Variants in WDR59 observed in about 807,000 individuals in gnomAD.
WDR59 encodes the protein WD repeat domain 59.
In WDR59, 100 loss-of-function variants were observed where a neutral mutation model predicts 131.2. That is an observed-to-expected ratio of 0.76 (90% CI 0.65 to 0.90). The LOEUF (loss-of-function observed/expected upper bound fraction) is 0.90, where lower values mean the gene tolerates loss of function less well. Ranked by LOEUF, WDR59 falls within the 40% of genes least tolerant of loss-of-function variation. The pLI is 0.00. For synonymous variants in WDR59, 601 were observed against 466.2 expected (o/e 1.29, Z -3.72); for missense variants, 1,203 against 1,262.2 (o/e 0.95, Z 0.71).
At chr16:74,944,133 T>C (rs777291128) in intron 6 of WDR59, among the ~76,000 whole-genome samples, 5 of 152,232 alleles carry the variant, frequency 3.3e-5, no homozygotes, top group South Asian at 2.1e-4. Context: ...CCCAAGGGAC[T>C]CTGGGAAGCC....
At chr16:74,981,660 A>ATATATT (rs1567451007) in intron 1 of WDR59, among the ~76,000 whole-genome samples, 8 of 80,872 alleles carry the variant, frequency 9.9e-5, no homozygotes, top group African/African-American at 5.1e-4. Flanking sequence ...ATATATATAT[A>ATATATT]TTTTTTTTTT....
chr16:74,885,792 G>T lies in WDR59; in HGVS notation c.2550C>A (p.Leu850=), dbSNP rs763459577. The T allele has an allele frequency of 1.2e-6, 2 of 1,607,294 alleles. No homozygotes were observed. Among genetic ancestry groups the T allele is most frequent in the South Asian group, 1.1e-5 (1 of 89,666 alleles). The change falls in exon 25 of 26, where the codon CTC becomes CTA. Residue 850 remains leucine (L), a synonymous_variant. Coordinates refer to ENST00000262144, the MANE Select transcript of WDR59 (RefSeq NM_030581.4). ...ATTGCTGGGTATTGGCGGGGTCCAG[G>T]AGCCTGGATAAAGTTAAAAAGATTT... ...ERDQHDKNKR[L]LDPANTQQFD...
chr16:74,946,957 G>A (rs891684039), intron 6 of WDR59, among the ~76,000 whole-genome samples: 1 of 152,116 alleles, frequency 6.6e-6, no homozygotes, highest in African/African-American at 2.4e-5. Flanking sequence ...CTTTTATAAA[G>A]GATGTCAAAA....
At chr16:74,957,834 A>T (rs544720409) in intron 2 of WDR59, among the ~76,000 whole-genome samples, 1 of 152,330 alleles carries the variant, frequency 6.6e-6, no homozygotes, top group East Asian at 1.9e-4. Flanking sequence ...CAGAAGAGCC[A>T]GGAAATGGCA....
chr16:74,893,914 T>C, intron 18 of WDR59, 102 bp from the exon 19 acceptor site: 1 of 1,292,184 alleles, frequency 7.7e-7, no homozygotes, highest in Non-Finnish European at 1.1e-6. Context: ...TTGCACTTTT[T>C]AAAAATTACA....
rs760224631 is a variant in WDR59, at chr16:74,909,457, T to C, written c.1642+44A>G. ...ATACAGAATCTATGACATTCTTAGCTGCTCCCTCTCGAAATCTAGAATCAA... is the reference window on the plus strand; with the variant it reads ...ATACAGAATCTATGACATTCTTAGCCGCTCCCTCTCGAAATCTAGAATCAA... On this transcript the variant is annotated intron_variant, in intron 16 of 25. Coordinates refer to ENST00000262144, the MANE Select transcript of WDR59 (RefSeq NM_030581.4). 4 of 1,504,960 alleles carry C rather than the reference T, an allele frequency of 2.7e-6. No homozygotes were observed. The African/African-American group carries it at 4.2e-5, about 16-fold the overall frequency. 93.2% of individuals were successfully genotyped at this position (1,504,960 alleles called of 1,614,324 possible).
At position 74,907,377 on chromosome 16, in the gene WDR59, T is replaced by C. The variant is rs142803041; in HGVS notation, c.1712+1531A>G. Among the ~76,000 whole-genome samples, 563 of 152,282 alleles carry C rather than the reference T, an allele frequency of 3.7e-3. 2 individuals are homozygous for C. Among genetic ancestry groups the C allele is most frequent in the African/African-American group, 0.013 (542 of 41,558 alleles). ...TGGATCATGGGGGCGGCGTCCCCCA[T>C]GCTGTTCTCATGATAGTGAGTGAGT... On this transcript the variant is annotated intron_variant, in intron 17 of 25. Coordinates refer to ENST00000262144, the MANE Select transcript of WDR59 (RefSeq NM_030581.4).
intron 10 of WDR59, among the ~76,000 whole-genome samples, chr16:74,921,655 G>C (rs1208501728): frequency 1.3e-5 from 2 of 152,174 alleles, no homozygotes; most frequent in Non-Finnish European, 2.9e-5. Context: ...TTCAGTCCCA[G>C]AAACAATCCA....
At chr16:74,978,795 G>A (rs925889664) in intron 1 of WDR59, among the ~76,000 whole-genome samples, 3 of 151,956 alleles carry the variant, frequency 2.0e-5, no homozygotes, top group Non-Finnish European at 4.4e-5. Context: ...TAAAATGGAA[G>A]AAGGAAATGC....
chr16:74,982,729 ACT>A (rs1303406873), intron 1 of WDR59, among the ~76,000 whole-genome samples: 1 of 152,134 alleles, frequency 6.6e-6, no homozygotes, highest in Non-Finnish European at 1.5e-5. Flanking sequence ...TCTCACGGAG[ACT>A]CTGTGCTGAC....
At chr16:74,908,016 T>C (rs911171489) in intron 17 of WDR59, among the ~76,000 whole-genome samples, 1 of 152,160 alleles carries the variant, frequency 6.6e-6, no homozygotes, top group Non-Finnish European at 1.5e-5. Context: ...AAAGAAAAAC[T>C]TTTTTTAATG....
chr16:74,940,391 A>C (rs576114119), intron 7 of WDR59, among the ~76,000 whole-genome samples: 43 of 151,958 alleles, frequency 2.8e-4, no homozygotes, highest in Non-Finnish European at 4.3e-4. Context: ...AAAAAAAAAA[A>C]AACAACAACA....
At chr16:74,981,567 T>C (rs2034404095) in intron 1 of WDR59, among the ~76,000 whole-genome samples, 1 of 143,612 alleles carries the variant, frequency 7.0e-6, no homozygotes, top group South Asian at 2.2e-4. Context: ...TACACATATA[T>C]ACATATATAT....
At chr16:74,960,480 C>T (rs1217188667) in intron 2 of WDR59, among the ~76,000 whole-genome samples, 1 of 151,780 alleles carries the variant, frequency 6.6e-6, no homozygotes, top group East Asian at 1.9e-4. Flanking sequence ...GTACGTGGTT[C>T]ACATCTGTAA....
Position 74,917,973 on chromosome 16 carries a change from C to A in WDR59, c.922G>T (p.Asp308Tyr). The A allele has an allele frequency of 6.2e-7, 1 of 1,614,042 alleles. No homozygotes were observed. Among genetic ancestry groups the A allele is most frequent in the Non-Finnish European group, 8.5e-7 (1 of 1,179,988 alleles). The change falls in exon 11 of 26, where the codon GAT (aspartate) becomes TAT (tyrosine). Residue 308 changes from aspartate (D) to tyrosine (Y), a missense_variant. Coordinates refer to ENST00000262144, the MANE Select transcript of WDR59 (RefSeq NM_030581.4). ...ACCCGCCACATTCTCAAGGTCTGAT[C>A]CCGGGACCACGTCACCAGTTGATAG... The part of the protein sequence containing the change: ...KDYQLVTWSR[D>Y]QTLRMWRVDS...
At chr16:74,943,025 A>C (rs564876104) in intron 6 of WDR59, among the ~76,000 whole-genome samples, 199 bp from the exon 7 acceptor site, 1 of 152,338 alleles carries the variant, frequency 6.6e-6, no homozygotes, top group Non-Finnish European at 1.5e-5. Context: ...GAACAGGATC[A>C]TAGTCACCTA....
intron 2 of WDR59, among the ~76,000 whole-genome samples, chr16:74,956,921 G>C (rs1296543172): frequency 6.6e-6 from 1 of 152,024 alleles, no homozygotes; most frequent in Non-Finnish European, 1.5e-5. Context: ...CCCCCAGCTA[G>C]GGTTAATTAC....
chr16:74,958,619 A>AAAAAAAAAAAAAAG (rs2033418083), intron 2 of WDR59, among the ~76,000 whole-genome samples: 1 of 143,402 alleles, frequency 7.0e-6, no homozygotes, highest in African/African-American at 2.6e-5. Flanking sequence ...AAAAAAAAAA[A>AAAAAAAAAAAAAAG]ACAAGCTAAA....
intron 8 of WDR59, among the ~76,000 whole-genome samples, chr16:74,930,386 A>G (rs1033575488): frequency 6.6e-6 from 1 of 152,176 alleles, no homozygotes; most frequent in Non-Finnish European, 1.5e-5. Flanking sequence ...AAACAGAACA[A>G]AACAAAAAAC....
Sources: gnomAD v4.1 joint callset for allele counts (sites outside exome capture counted in the v4.1 genomes callset) on GRCh38, gnomAD v4.1.1 for gene constraint, MANE v1.5 for transcripts, NCBI Gene and HGNC (gene_info 2026-07-23, HGNC 2026-07-21) for gene names.